Variants in GRIA1 observed in about 807,000 individuals in gnomAD.
GRIA1 encodes glutamate receptor 1.
In GRIA1, 31 loss-of-function variants were observed where a neutral mutation model predicts 99.2. That is an observed-to-expected ratio of 0.31 (90% CI 0.23 to 0.42). The LOEUF (loss-of-function observed/expected upper bound fraction) is 0.42. Among genes scored for constraint, GRIA1 ranks in the 10% least tolerant of loss-of-function variants. GRIA1 has a pLI of 1.00. For missense variants in GRIA1, 782 were observed against 1,157.5 expected (o/e 0.68, Z 4.71); for synonymous variants, 438 against 432.4 (o/e 1.01, Z -0.16).
intron 2 of GRIA1, among the ~76,000 whole-genome samples, chr5:153,574,140 T>A (rs543445908): frequency 5.3e-5 from 8 of 152,314 alleles, no homozygotes; most frequent in South Asian, 2.1e-4. Flanking sequence ...TTTGGTAGTT[T>A]AATGATTTAG....
At chr5:153,587,562 C>T (rs1472351160) in intron 2 of GRIA1, among the ~76,000 whole-genome samples, 1 of 152,196 alleles carries the variant, frequency 6.6e-6, no homozygotes, top group African/African-American at 2.4e-5. Context: ...ACTGCCTTGG[C>T]ACTCCCTGCC....
intron 15 of GRIA1, among the ~76,000 whole-genome samples, chr5:153,808,552 T>C (rs552158975): frequency 6.6e-6 from 1 of 152,300 alleles, no homozygotes; most frequent in Admixed American, 6.5e-5. Context: ...CTTGCATTTT[T>C]GAATCACCTG....
At chr5:153,643,462 A>C (rs1029182506) in intron 2 of GRIA1, among the ~76,000 whole-genome samples, 5 of 152,248 alleles carry the variant, frequency 3.3e-5, no homozygotes, top group African/African-American at 1.2e-4. Context: ...CAAAGTAGAT[A>C]TAATACCTCA....
At chr5:153,738,292 C>T (rs1377586469) in intron 11 of GRIA1, among the ~76,000 whole-genome samples, 1 of 152,142 alleles carries the variant, frequency 6.6e-6, no homozygotes. Flanking sequence ...TGTCACCACT[C>T]TCTTCTGAGA....
chr5:153,792,794 C>G (rs1765383640), intron 13 of GRIA1, among the ~76,000 whole-genome samples: 1 of 151,046 alleles, frequency 6.6e-6, no homozygotes, highest in Admixed American at 6.6e-5. Flanking sequence ...GAGAGAAAGA[C>G]AGAGAGAGAG....
At chr5:153,697,986 C>T (rs746647042) in intron 8 of GRIA1, 58 bp from the exon 9 acceptor site, 16 of 869,238 alleles carry the variant, frequency 1.8e-5, no homozygotes, top group Non-Finnish European at 3.1e-5. Flanking sequence ...TGACCCAGAG[C>T]AGGCCAGTTC....
At chr5:153,774,286 A>G (rs1764079392) in intron 13 of GRIA1, among the ~76,000 whole-genome samples, 1 of 152,162 alleles carries the variant, frequency 6.6e-6, no homozygotes. Context: ...AGTAAGGAGA[A>G]GAGTAAAGAC....
intron 2 of GRIA1, among the ~76,000 whole-genome samples, chr5:153,628,777 C>A (rs761234767): frequency 1.3e-5 from 2 of 151,998 alleles, no homozygotes; most frequent in African/African-American, 2.4e-5. Flanking sequence ...TTATTGATTC[C>A]TTTTTATAAT....
intron 2 of GRIA1, among the ~76,000 whole-genome samples, chr5:153,645,986 T>C (rs1754122478): frequency 6.6e-6 from 1 of 152,190 alleles, no homozygotes; most frequent in African/African-American, 2.4e-5. Flanking sequence ...GGGGTTGGTC[T>C]CACTGGGGCA....
At chr5:153,632,187 G>A (rs1016367296) in intron 2 of GRIA1, among the ~76,000 whole-genome samples, 2 of 152,174 alleles carry the variant, frequency 1.3e-5, no homozygotes, top group Non-Finnish European at 2.9e-5. Flanking sequence ...GTGGAGGCAG[G>A]GATGAATTAA....
intron 8 of GRIA1, among the ~76,000 whole-genome samples, chr5:153,687,345 CT>C (rs1359678506): frequency 3.3e-5 from 5 of 152,166 alleles, no homozygotes; most frequent in Non-Finnish European, 5.9e-5. Flanking sequence ...TTTATTTGAG[CT>C]CTTTGTTCCT....
intron 2 of GRIA1, among the ~76,000 whole-genome samples, chr5:153,523,480 C>T (rs1477968172): frequency 6.6e-6 from 1 of 151,572 alleles, no homozygotes; most frequent in East Asian, 1.9e-4. Flanking sequence ...CTTTACTACT[C>T]ATTTGACCCT....
In GRIA1 at chr5:153,650,399, T is replaced by G; in HGVS notation, c.530T>G (p.Ile177Ser). Residue 177 changes from isoleucine (I) to serine (S), a missense_variant, in exon 4 of 16, where the codon ATT becomes AGT. Ile to Ser is a moderately radical substitution (Grantham distance 142). This residue lies in a region of GRIA1 where 461 missense variants were observed against 521.7 expected (regional missense o/e 0.88). Transcript: ENST00000285900. ...EKNWQVTAVN[I>S]LTTTEEGYRM... ...AACTGGCAGGTGACAGCAGTCAACA[T>G]TTTGACAACCACAGAGGAGGGATAC... 1 of 1,613,962 alleles carries G rather than the reference T, an allele frequency of 6.2e-7. No individual in the cohort carries two copies. The highest frequency in any genetic ancestry group is 8.5e-7 in the Non-Finnish European group (1 of 1,179,920).
chr5:153,608,015 T>A (rs1164124575), intron 2 of GRIA1, among the ~76,000 whole-genome samples: 2 of 152,150 alleles, frequency 1.3e-5, no homozygotes, highest in African/African-American at 4.8e-5. Context: ...TTTTACATTC[T>A]CTATGGAAAA....
At chr5:153,695,510 T>C (rs1404816047) in intron 8 of GRIA1, among the ~76,000 whole-genome samples, 3 of 152,184 alleles carry the variant, frequency 2.0e-5, no homozygotes, top group Non-Finnish European at 4.4e-5. Flanking sequence ...CACAAGTCTC[T>C]TAGGGTTCCC....
chr5:153,689,010 GC>G (rs1422519960), intron 8 of GRIA1, among the ~76,000 whole-genome samples: 5 of 151,828 alleles, frequency 3.3e-5, no homozygotes, highest in East Asian at 1.9e-4. Context: ...ATGAGCCACC[GC>G]CCCCAGGCTT....
At position 153,811,537 on chromosome 5, in the gene GRIA1, A is replaced by G. The variant is rs879027160; in HGVS notation, c.*312A>G. The G allele has an allele frequency of 1.2e-5, 4 of 322,956 alleles. No homozygotes were observed. Among genetic ancestry groups the G allele is most frequent in the East Asian group, 7.1e-5 (1 of 14,184 alleles). 20.0% of individuals were successfully genotyped at this position (322,956 alleles called of 1,614,324 possible). On this transcript the variant is annotated 3_prime_UTR_variant, in exon 16 of 16. Transcript: ENST00000285900. ...CTGAGAGTAGAGTCACTGGAACACT[A>G]ATGAGGAAACTGCACTGTTTTATTT...
chr5:153,505,363 A>G (rs914473018), intron 2 of GRIA1, among the ~76,000 whole-genome samples: 4 of 151,912 alleles, frequency 2.6e-5, no homozygotes, highest in African/African-American at 9.7e-5. Context: ...GGAAAAAAAT[A>G]TAACTTCCTG....
intron 1 of GRIA1, chr5:153,491,326 T>G: frequency 8.5e-7 from 1 of 1,181,050 alleles, no homozygotes; most frequent in Non-Finnish European, 1.1e-6. Context: ...TTGATTCCAT[T>G]TTTAATGTAA....
Sources: gnomAD v4.1 joint callset for allele counts (sites outside exome capture counted in the v4.1 genomes callset) on GRCh38, gnomAD v4.1.1 for gene constraint, gnomAD v4.1.1 regional missense constraint, MANE v1.5 for transcripts, NCBI Gene and HGNC (gene_info 2026-07-23, HGNC 2026-07-21) for gene names.